ZFYVE9: variants seen among roughly 807,000 people sequenced by gnomAD.
ZFYVE9 encodes zinc finger FYVE domain-containing protein 9.
ZFYVE9 carries 43 observed loss-of-function variants against 126.7 expected under a neutral mutation model. That is an observed-to-expected ratio of 0.34 (90% CI 0.27 to 0.44). ZFYVE9 has a LOEUF of 0.44. ZFYVE9 is among the 20% of genes least tolerant of loss of function. ZFYVE9 has a pLI of 1.00. For missense variants in ZFYVE9, 1,476 were observed against 1,697.0 expected (o/e 0.87, Z 2.29); for synonymous variants, 521 against 597.4 (o/e 0.87, Z 1.87).
intron 1 of ZFYVE9, chr1:52,179,854 C>A: frequency 1.5e-6 from 1 of 687,646 alleles, no homozygotes; most frequent in Admixed American, 2.0e-5. Flanking sequence ...AGATGCAGGA[C>A]CCCAACGCAG....
At chr1:52,203,739 CTAT>C (rs572072317) in intron 1 of ZFYVE9, among the ~76,000 whole-genome samples, 11 of 150,250 alleles carry the variant, frequency 7.3e-5, no homozygotes, top group African/African-American at 1.5e-4. Flanking sequence ...GTATTTTGTT[CTAT>C]TATTATTATT....
chr1:52,277,909 T>C (rs796358743), intron 8 of ZFYVE9, among the ~76,000 whole-genome samples: 5 of 152,346 alleles, frequency 3.3e-5, no homozygotes, highest in African/African-American at 1.2e-4. Flanking sequence ...TAGTGACATA[T>C]GTACTAAACT....
At chr1:52,313,112 G>A (rs1284039320) in intron 13 of ZFYVE9, among the ~76,000 whole-genome samples, 5 of 152,136 alleles carry the variant, frequency 3.3e-5, no homozygotes, top group South Asian at 2.1e-4. Context: ...GCCCTCAGAC[G>A]GAACTATCTC....
rs549260137 is a variant in ZFYVE9, at chr1:52,280,789, A to G, written c.2870-872A>G. ...CTAGAATTTTTTCCTGGAAAGGACTATAGTTAAAATAGCTGGAATCTCTTG... is the reference window on the plus strand; with the variant it reads ...CTAGAATTTTTTCCTGGAAAGGACTGTAGTTAAAATAGCTGGAATCTCTTG... On this transcript the variant is annotated intron_variant, in intron 9 of 18. Transcript: ENST00000287727. Among the ~76,000 whole-genome samples the G allele has an allele frequency of 1.5e-4, 23 of 152,320 alleles. No individual in the cohort carries two copies. The South Asian group carries it at 4.6e-3, about 30-fold the overall frequency.
In ZFYVE9 at chr1:52,197,573, A is replaced by G. The variant is rs1644871890; in HGVS notation, c.-142-18796A>G. 2.0e-5 allele frequency among the ~76,000 whole-genome samples: 3 copies of G among 151,554 alleles called. No individual in the cohort carries two copies. The Admixed American group carries it at 2.0e-4, about 10-fold the overall frequency. ...AAGATTGGGTAGAAGAGGAGGAGTCAGGGATGAAGATGAGAGATAGATGTC... is the reference window on the plus strand; with the variant it reads ...AAGATTGGGTAGAAGAGGAGGAGTCGGGGATGAAGATGAGAGATAGATGTC... On this transcript the variant is annotated intron_variant, in intron 1 of 18. Transcript: ENST00000287727.
At chr1:52,319,548 C>T (rs1340127954) in intron 13 of ZFYVE9, among the ~76,000 whole-genome samples, 1 of 151,370 alleles carries the variant, frequency 6.6e-6, no homozygotes, top group Non-Finnish European at 1.5e-5. Flanking sequence ...CACTTGAACA[C>T]GGGAGGTGGA....
At chr1:52,219,749 TTGTGTGTGTGTGTGTGTGTGTG>T (rs56340178) in intron 2 of ZFYVE9, among the ~76,000 whole-genome samples, 21 of 113,344 alleles carry the variant, frequency 1.9e-4, no homozygotes, top group African/African-American at 4.5e-4. Flanking sequence ...CCAAGATCTT[TTGTGTGTGTGTGTGTGTGTGTG>T]TGTGTGTGTG....
intron 14 of ZFYVE9, among the ~76,000 whole-genome samples, chr1:52,334,012 G>C (rs527417956): frequency 6.6e-6 from 1 of 151,166 alleles, no homozygotes; most frequent in African/African-American, 2.4e-5. Flanking sequence ...AGAATGGCGT[G>C]AACCCAGGAG....
chr1:52,207,512 C>A (rs548078582), intron 1 of ZFYVE9, among the ~76,000 whole-genome samples: 2 of 152,244 alleles, frequency 1.3e-5, no homozygotes, highest in Admixed American at 1.3e-4. Flanking sequence ...CTTCCCAGAT[C>A]CTATTCTCTT....
At position 52,293,527 on chromosome 1, in the gene ZFYVE9, T is replaced by C; in HGVS notation, c.3100T>C (p.Leu1034=). The change falls in exon 11 of 19, where the codon TTA becomes CTA. Residue 1034 remains leucine, a synonymous_variant. Coordinates refer to ENST00000287727, the MANE Select transcript of ZFYVE9 (RefSeq NM_004799.4). ...FLGSKEHGGF[L]YVTSTYQSLQ... is the part of the protein sequence containing the mutation. ...TGGCAGTAAAGAACATGGTGGATTC[T>C]TATATGTGACATCTACCTACCAGTC... The C allele has an allele frequency of 6.2e-7, 1 of 1,614,164 alleles. No homozygotes were observed. Among genetic ancestry groups the C allele is most frequent in the South Asian group, 1.1e-5 (1 of 91,082 alleles).
intron 1 of ZFYVE9, among the ~76,000 whole-genome samples, chr1:52,178,280 A>C (rs1644659526): frequency 1.6e-5 from 2 of 127,216 alleles, no homozygotes; most frequent in South Asian, 2.3e-4. Flanking sequence ...CTCCATCTCA[A>C]AAAAAAAAAA....
Position 52,345,966 on chromosome 1 carries a change from G to A in ZFYVE9, c.4117-94G>A, listed in dbSNP as rs1646479948. 2.2e-6 allele frequency: 3 copies of A among 1,334,594 alleles called. No homozygotes were observed. In the South Asian group the frequency reaches 5.7e-5, roughly 25 times the overall value. The allele number at this position is 1,334,594 out of a possible 1,614,324, so 82.7% of individuals were successfully genotyped here. On this transcript the variant is annotated intron_variant, in intron 18 of 18. Coordinates refer to ENST00000287727, the MANE Select transcript of ZFYVE9 (RefSeq NM_004799.4). ...CATATGTTTAGCCTATGGCCAAAAA[G>A]GACATCTCCTTTCCTGCTCAGCCTC... is the stretch of plus-strand genomic sequence containing the variant.
At chr1:52,158,858 T>C (rs1024042814) in intron 1 of ZFYVE9, among the ~76,000 whole-genome samples, 8 of 151,794 alleles carry the variant, frequency 5.3e-5, no homozygotes, top group Non-Finnish European at 1.0e-4. Flanking sequence ...AGTGGCACGA[T>C]CTTGGCTCAC....
At chr1:52,225,806 A>C (rs138618408) in intron 2 of ZFYVE9, among the ~76,000 whole-genome samples, 5 of 152,192 alleles carry the variant, frequency 3.3e-5, no homozygotes, top group African/African-American at 7.2e-5. Flanking sequence ...AGGACACCCA[A>C]GAGGTCCTGA....
chr1:52,309,994 T>TG (rs1646123348), intron 13 of ZFYVE9, among the ~76,000 whole-genome samples: 1 of 152,158 alleles, frequency 6.6e-6, no homozygotes, highest in Non-Finnish European at 1.5e-5. Flanking sequence ...GACAGAGTCT[T>TG]GCTCTCGCTC....
chr1:52,171,562 G>A (rs961144727), intron 1 of ZFYVE9, among the ~76,000 whole-genome samples: 20 of 152,260 alleles, frequency 1.3e-4, no homozygotes, highest in Admixed American at 6.5e-4. Context: ...CTAGATCCCT[G>A]AGGAATTGCC....
At chr1:52,169,397 C>T (rs1365524789) in intron 1 of ZFYVE9, among the ~76,000 whole-genome samples, 2 of 152,084 alleles carry the variant, frequency 1.3e-5, no homozygotes, top group East Asian at 3.8e-4. Context: ...GAGACACTGT[C>T]TGAATAAAAT....
At chr1:52,162,607 A>C (rs1644472585) in intron 1 of ZFYVE9, 1 of 260,216 alleles carries the variant, frequency 3.8e-6, no homozygotes, top group Non-Finnish European at 8.0e-6. Context: ...CCATATCAAG[A>C]ACATACTTCA....
intron 13 of ZFYVE9, among the ~76,000 whole-genome samples, chr1:52,305,962 G>A (rs1646080248): frequency 6.6e-6 from 1 of 152,194 alleles, no homozygotes; most frequent in South Asian, 2.1e-4. Flanking sequence ...GGGGATGTGT[G>A]CAGCTCAATG....
Sources: allele counts gnomAD v4.1 joint callset (sites outside exome capture counted in the v4.1 genomes callset), GRCh38; gene constraint gnomAD v4.1.1; transcripts MANE v1.5; gene names NCBI Gene and HGNC (gene_info 2026-07-23, HGNC 2026-07-21).